ZNF813: variants seen among roughly 807,000 people sequenced by gnomAD.
The protein encoded by ZNF813 is zinc finger protein 813.
ZNF813 carries 3 observed loss-of-function variants against 7.2 expected under a neutral mutation model. That is an observed-to-expected ratio of 0.42 (90% CI 0.19 to 1.08). The LOEUF (loss-of-function observed/expected upper bound fraction) is 1.08, where lower values mean the gene tolerates loss of function less well. ZNF813 is among the 50% of genes least tolerant of loss of function. The pLI, the probability that ZNF813 is intolerant of heterozygous loss-of-function variation, is 0.30. For synonymous variants in ZNF813, 227 were observed against 256.3 expected (o/e 0.89, Z 1.09); for missense variants, 714 against 753.3 (o/e 0.95, Z 0.61).
At chr19:53,469,848 G>T (rs112993911) in intron 1 of ZNF813, among the ~76,000 whole-genome samples, 290 of 151,806 alleles carry the variant, frequency 1.9e-3, no homozygotes, top group Non-Finnish European at 2.7e-3. Flanking sequence ...GAGCAGAGGA[G>T]GCGCAGAGAT....
chr19:53,471,742 G>A (rs2617698), intron 1 of ZNF813, among the ~76,000 whole-genome samples: 71,770 of 148,984 alleles, frequency 0.48, 17,435 homozygotes, highest in African/African-American at 0.53. Flanking sequence ...AACTTGGGAG[G>A]CGGAGCTTGC....
At chr19:53,477,765 G>C (rs536089743) in intron 1 of ZNF813, among the ~76,000 whole-genome samples, 66 of 152,280 alleles carry the variant, frequency 4.3e-4, no homozygotes, top group African/African-American at 1.3e-3. Flanking sequence ...AGGCTGCAGT[G>C]AGCCGAGATC....
chr19:53,492,058 T>A lies in ZNF813; in HGVS notation c.1826T>A (p.Phe609Tyr). 6.2e-7 allele frequency: 1 copy of A among 1,611,562 alleles called. No homozygotes were observed. The highest frequency in any genetic ancestry group is 1.1e-5 in the South Asian group (1 of 90,842). Residue 609 changes from phenylalanine (F) to tyrosine (Y), a missense_variant, in exon 4 of 4, where the codon TTT becomes TAT. Transcript: ENST00000396403. ...RLHTGEKPYK[F>Y]NECGKAFN ...CATACTGGAGAGAAACCTTACAAGT[T>A]TAATGAGTGTGGCAAAGCTTTTAAT...
rs375714643 is a variant in ZNF813, at chr19:53,491,354, T to C, written c.1122T>C (p.His374=). The C allele has an allele frequency of 1.5e-4, 248 of 1,613,074 alleles. No individual in the cohort carries two copies. Among genetic ancestry groups the C allele is most frequent in the African/African-American group, 1.5e-3 (110 of 74,910 alleles). Residue 374 remains histidine, a synonymous_variant, in exon 4 of 4, where the codon CAT becomes CAC. Transcript: ENST00000396403. The part of the protein sequence containing the change: ...FSRKSSLTCH[H]RLHTGEKPYK... ...GGAAGTCATCCCTTACATGCCATCA[T>C]AGACTTCATACGGGAGAGAAACCTT...
chr19:53,472,123 G>C (rs189997118), intron 1 of ZNF813, among the ~76,000 whole-genome samples: 1 of 152,266 alleles, frequency 6.6e-6, no homozygotes, highest in Non-Finnish European at 1.5e-5. Context: ...CTGGGTAGGT[G>C]TGTGTGGAGA....
chr19:53,474,886 T>A (rs911436872), intron 1 of ZNF813, among the ~76,000 whole-genome samples: 1 of 152,156 alleles, frequency 6.6e-6, no homozygotes, highest in African/African-American at 2.4e-5. Context: ...ATTTGGAGTA[T>A]AACTTGGGTT....
rs2086467302 is a variant in ZNF813 at position 53,492,200 on chromosome 19, G to T, written c.*114G>T. 3.4e-6 allele frequency: 5 copies of T among 1,474,630 alleles called. No individual in the cohort carries two copies. In the East Asian group the frequency reaches 1.2e-4, roughly 35 times the overall value. 91.3% of individuals were successfully genotyped at this position (1,474,630 alleles called of 1,614,324 possible). On this transcript the variant is annotated 3_prime_UTR_variant, in exon 4 of 4. Coordinates refer to ENST00000396403, the MANE Select transcript of ZNF813 (RefSeq NM_001004301.4). ...CTTGTAATTCATAAGAATTCATACT[G>T]GAGAGAAACAAGTGTAATGAACGTT...
At chr19:53,489,004 A>G (rs1254530896) in intron 3 of ZNF813, among the ~76,000 whole-genome samples, 1 of 151,960 alleles carries the variant, frequency 6.6e-6, no homozygotes, top group South Asian at 2.1e-4. Flanking sequence ...ACAGTCCACT[A>G]GTTAATGTCA....
chr19:53,480,865 C>T (rs920294558), intron 1 of ZNF813, among the ~76,000 whole-genome samples: 9 of 152,108 alleles, frequency 5.9e-5, no homozygotes, highest in East Asian at 5.8e-4. Context: ...ATGGGGGCTA[C>T]GAACTCTGGC....
intron 1 of ZNF813, among the ~76,000 whole-genome samples, chr19:53,481,487 C>A (rs1377793622): frequency 1.3e-5 from 2 of 151,590 alleles, no homozygotes; most frequent in Non-Finnish European, 2.9e-5. Flanking sequence ...GCTGGGACAA[C>A]AGGCACCCAG....
intron 1 of ZNF813, among the ~76,000 whole-genome samples, chr19:53,474,989 C>T (rs1414310263): frequency 1.3e-5 from 2 of 152,100 alleles, no homozygotes; most frequent in East Asian, 1.9e-4. Flanking sequence ...GCCTCTCTGC[C>T]TTTCTGTTTC....
intron 1 of ZNF813, among the ~76,000 whole-genome samples, chr19:53,471,088 T>C (rs147381442): frequency 1.8e-3 from 274 of 152,198 alleles, no homozygotes; most frequent in Non-Finnish European, 2.9e-3. Context: ...TATTTTTATG[T>C]CTTTTCTTAT....
intron 1 of ZNF813, chr19:53,479,406 G>C (rs1367851409): frequency 4.8e-5 from 75 of 1,568,844 alleles, no homozygotes; most frequent in South Asian, 2.4e-4. Flanking sequence ...TTCTGCAGCT[G>C]CAGGCAGATG....
At chr19:53,469,974 A>AAG (rs2086349218) in intron 1 of ZNF813, among the ~76,000 whole-genome samples, 1 of 146,602 alleles carries the variant, frequency 6.8e-6, no homozygotes, top group Admixed American at 6.9e-5. Flanking sequence ...CATTTCAACA[A>AAG]AGAGTGGGGT....
chr19:53,483,832 C>T lies in ZNF813; in HGVS notation c.10C>T (p.Pro4Ser). 1.9e-6 allele frequency: 3 copies of T among 1,613,812 alleles called. No homozygotes were observed. The South Asian group carries it at 3.3e-5, about 18-fold the overall frequency. The change falls in exon 2 of 4, where the codon CCT becomes TCT. Residue 4 changes from proline (P) to serine (S), a missense_variant. Transcript: ENST00000396403. MAL[P>S]QGLLTFRDVA... is the part of the protein sequence containing the mutation. ...AGCAAAGGAGTCAGGGATGGCTCTTCCTCAGGTGAGATGATATTTTTGGTG... is the reference window on the plus strand; with the variant it reads ...AGCAAAGGAGTCAGGGATGGCTCTTTCTCAGGTGAGATGATATTTTTGGTG...
intron 2 of ZNF813, among the ~76,000 whole-genome samples, chr19:53,485,223 C>T (rs2086426426): frequency 6.6e-6 from 1 of 152,144 alleles, no homozygotes; most frequent in African/African-American, 2.4e-5. Flanking sequence ...AGGGTGATTG[C>T]TTCCTCTAGG....
At chr19:53,472,866 C>T (rs1325239699) in intron 1 of ZNF813, among the ~76,000 whole-genome samples, 2 of 152,062 alleles carry the variant, frequency 1.3e-5, no homozygotes, top group African/African-American at 4.8e-5. Context: ...CCTGCCTCGG[C>T]CTCCCAGAGT....
intron 1 of ZNF813, among the ~76,000 whole-genome samples, chr19:53,474,294 C>G (rs756364225): frequency 1.3e-5 from 2 of 152,336 alleles, no homozygotes; most frequent in African/African-American, 4.8e-5. Context: ...TTCTTGAATT[C>G]TTGGGGGCCA....
rs2708843 is a variant in ZNF813 at position 53,492,496 on chromosome 19, C to T, written c.*410C>T. On this transcript the variant is annotated 3_prime_UTR_variant, in exon 4 of 4. Transcript: ENST00000396403. The stretch of plus-strand genomic sequence containing the variant: ...TTCGTGACAAGGCTTTCGGGCATGA[C>T]TCACACCTGGCACAACATCCTAGAA... The T allele has an allele frequency of 0.47, 211,011 of 446,182 alleles. 51,598 individuals carry two copies. The highest frequency in any genetic ancestry group is 0.68 in the African/African-American group (33,285 of 49,190). The allele number at this position is 446,182 out of a possible 1,614,324, so 27.6% of individuals were successfully genotyped here.
Sources: gnomAD v4.1 joint callset for allele counts (sites outside exome capture counted in the v4.1 genomes callset) on GRCh38, gnomAD v4.1.1 for gene constraint, MANE v1.5 for transcripts, NCBI Gene and HGNC (gene_info 2026-07-23, HGNC 2026-07-21) for gene names.